FRMD3: variants seen among roughly 807,000 people sequenced by gnomAD.
FRMD3 encodes the protein FERM domain-containing protein 3.
Under a neutral mutation model 70.2 loss-of-function variants are expected in FRMD3, and 33 were observed. The ratio of observed to expected loss-of-function variants is 0.47; its 90% confidence interval spans 0.36 to 0.63. FRMD3 has a LOEUF of 0.63. Among genes scored for constraint, FRMD3 ranks in the 20% least tolerant of loss-of-function variants. The probability of loss-of-function intolerance (pLI) is 0.00; values close to 1 mark genes in which losing one functional copy is unlikely to be tolerated. For synonymous variants in FRMD3, 279 were observed against 255.9 expected, an observed-to-expected ratio of 1.09 and a Z score of -0.86; for missense variants, 632 against 711.4, an observed-to-expected ratio of 0.89 and a Z score of 1.27.
chr9:83,324,193 C>T (rs916344955), intron 6 of FRMD3, among the ~76,000 whole-genome samples: 3 of 152,166 alleles, frequency 2.0e-5, no homozygotes, highest in African/African-American at 4.8e-5. Flanking sequence ...AAATGAGACA[C>T]GAGAATACAG....
chr9:83,258,612 G>A (rs1832836252), intron 13 of FRMD3, among the ~76,000 whole-genome samples: 1 of 152,208 alleles, frequency 6.6e-6, no homozygotes, highest in Non-Finnish European at 1.5e-5. Flanking sequence ...GGGACAATAT[G>A]GTGACATCAG....
At chr9:83,467,530 T>A in intron 1 of FRMD3, 1 of 887,666 alleles carries the variant, frequency 1.1e-6, no homozygotes, top group Non-Finnish European at 1.8e-6. Context: ...TGAAAATAAT[T>A]CAAAACATTG....
chr9:83,402,544 C>T (rs985677467), intron 1 of FRMD3, among the ~76,000 whole-genome samples: 2 of 151,874 alleles, frequency 1.3e-5, no homozygotes, highest in South Asian at 4.1e-4. Flanking sequence ...GTTAGCTAGG[C>T]TTTGCTGGGG....
At chr9:83,447,192 T>G (rs1181330423) in intron 1 of FRMD3, among the ~76,000 whole-genome samples, 1 of 152,056 alleles carries the variant, frequency 6.6e-6, no homozygotes, top group Non-Finnish European at 1.5e-5. Context: ...CACAGCTAAT[T>G]TTTTGTATTT....
intron 13 of FRMD3, among the ~76,000 whole-genome samples, chr9:83,283,136 A>G (rs1444952589): frequency 6.6e-6 from 1 of 152,224 alleles, no homozygotes; most frequent in East Asian, 1.9e-4. Context: ...CAAAATAGGA[A>G]TCTGCAGAGC....
intron 1 of FRMD3, among the ~76,000 whole-genome samples, chr9:83,516,486 A>C (rs952558447): frequency 1.3e-5 from 2 of 152,106 alleles, no homozygotes; most frequent in African/African-American, 2.4e-5. Context: ...TTCTTAGAGA[A>C]CTACAAAGAG....
intron 1 of FRMD3, among the ~76,000 whole-genome samples, chr9:83,468,150 A>G (rs1210545574): frequency 1.3e-5 from 2 of 152,252 alleles, no homozygotes; most frequent in Admixed American, 1.3e-4. Flanking sequence ...GATTGAATCA[A>G]TTCTATAAGA....
chr9:83,445,832 C>T (rs1827445006), intron 1 of FRMD3, among the ~76,000 whole-genome samples: 3 of 152,190 alleles, frequency 2.0e-5, no homozygotes, highest in Admixed American at 2.0e-4. Context: ...GAACAGAATT[C>T]ACTCTACCTA....
intron 1 of FRMD3, among the ~76,000 whole-genome samples, chr9:83,459,859 G>A (rs930095703): frequency 7.2e-5 from 11 of 152,242 alleles, no homozygotes; most frequent in African/African-American, 2.4e-4. Flanking sequence ...CCAGTAGGAT[G>A]GGGGCCTGGC....
At chr9:83,479,755 G>T (rs1828515107) in intron 1 of FRMD3, among the ~76,000 whole-genome samples, 1 of 61,436 alleles carries the variant, frequency 1.6e-5, no homozygotes, top group Non-Finnish European at 2.8e-5. Flanking sequence ...GAAAAGAGAA[G>T]AAGAAGGGAG....
intron 1 of FRMD3, among the ~76,000 whole-genome samples, chr9:83,470,154 T>C (rs760843428): frequency 6.6e-5 from 10 of 152,150 alleles, no homozygotes; most frequent in Non-Finnish European, 1.2e-4. Flanking sequence ...AGGGAACACC[T>C]AAGCACCACA....
chr9:83,487,631 A>G (rs1828716924), intron 1 of FRMD3, among the ~76,000 whole-genome samples: 2 of 152,200 alleles, frequency 1.3e-5, no homozygotes, highest in South Asian at 4.1e-4. Flanking sequence ...CTGGGGATGC[A>G]GACATGCTAG....
At chr9:83,535,841 C>G (rs1334711037) in intron 1 of FRMD3, among the ~76,000 whole-genome samples, 2 of 151,866 alleles carry the variant, frequency 1.3e-5, no homozygotes, top group Non-Finnish European at 1.5e-5. Context: ...AATCCTTTAA[C>G]TTTGTAGTTC....
chr9:83,451,089 C>CT (rs776067048), intron 1 of FRMD3, among the ~76,000 whole-genome samples: 1 of 151,984 alleles, frequency 6.6e-6, no homozygotes, highest in Non-Finnish European at 1.5e-5. Context: ...CAAAATACAC[C>CT]TTTTTTTAGC....
At chr9:83,334,450 G>A (rs1413478387) in intron 6 of FRMD3, among the ~76,000 whole-genome samples, 1 of 152,120 alleles carries the variant, frequency 6.6e-6, no homozygotes, top group Non-Finnish European at 1.5e-5. Flanking sequence ...GCATAAAGGA[G>A]GGAGCTAGAA....
At chr9:83,489,317 A>T (rs1242970511) in intron 1 of FRMD3, among the ~76,000 whole-genome samples, 2 of 152,150 alleles carry the variant, frequency 1.3e-5, no homozygotes, top group Non-Finnish European at 2.9e-5. Flanking sequence ...GAGTAAACAG[A>T]CAACCTACAG....
At chr9:83,243,076 A>C (rs1831937350), downstream of FRMD3, 7 of 854,272 alleles carry the variant, frequency 8.2e-6, no homozygotes, top group Admixed American at 2.1e-5. Context: ...TCTTCTGTGA[A>C]GTGACGGCTG....
At chr9:83,505,694 A>G (rs1346098817) in intron 1 of FRMD3, among the ~76,000 whole-genome samples, 1 of 152,206 alleles carries the variant, frequency 6.6e-6, no homozygotes, top group African/African-American at 2.4e-5. Flanking sequence ...TGAGCACTTC[A>G]TGAAGAACAT....
chr9:83,307,758 C>T (rs944604282), intron 10 of FRMD3, among the ~76,000 whole-genome samples: 5 of 152,112 alleles, frequency 3.3e-5, no homozygotes, highest in Non-Finnish European at 5.9e-5. Context: ...GTGAATTACA[C>T]TAAAAACCAC....
Sources: gnomAD v4.1 joint callset for allele counts (sites outside exome capture counted in the v4.1 genomes callset) on GRCh38, gnomAD v4.1.1 for gene constraint, MANE v1.5 for transcripts, NCBI Gene and HGNC (gene_info 2026-07-23, HGNC 2026-07-21) for gene names.